The following ABCC8 variants were observed in gnomAD, a reference collection of about 807,000 sequenced individuals.
ABCC8 encodes ATP binding cassette subfamily C member 8.
Under a neutral mutation model 188.0 loss-of-function variants are expected in ABCC8, and 137 were observed. The ratio of observed to expected loss-of-function variants is 0.73; its 90% CI spans 0.63 to 0.84. The LOEUF (loss-of-function observed/expected upper bound fraction) is 0.84, where lower values mean the gene tolerates loss of function less well. Among genes scored for constraint, ABCC8 ranks in the 40% least tolerant of loss-of-function variants. ABCC8 has a pLI of 0.00. For synonymous variants in ABCC8, 797 were observed against 846.5 expected, an observed-to-expected ratio of 0.94 and a Z score of 1.01; for missense variants, 1,750 against 2,072.7, an observed-to-expected ratio of 0.84 and a Z score of 3.02.
intron 17 of ABCC8, among the ~76,000 whole-genome samples, chr11:17,416,152 G>C (rs1043457148): frequency 3.3e-5 from 5 of 152,178 alleles, no homozygotes; most frequent in Admixed American, 1.3e-4. Flanking sequence ...TGGTGTTGGA[G>C]AGCAAAGGCC....
Position 17,468,013 on chromosome 11 carries a change from C to CTGA in ABCC8, c.412+2087_412+2088insTCA, listed in dbSNP as rs1554945556. Among the ~76,000 whole-genome samples, 1,021 of 151,872 alleles carry CTGA rather than the reference C, an allele frequency of 6.7e-3. 11 individuals carry two copies. Among genetic ancestry groups the CTGA allele is most frequent in the African/African-American group, 0.022 (915 of 41,358 alleles). ...CCAGAGGACACTGGTCAGCCAGGCC[C>CTGA]TGGTTAATGAAGGGTTCTCTACAGA... On this transcript the variant is annotated intron_variant, in intron 3 of 38. Transcript: ENST00000389817.
intron 16 of ABCC8, among the ~76,000 whole-genome samples, chr11:17,420,654 C>T (rs1365147044): frequency 6.6e-6 from 1 of 152,204 alleles, no homozygotes; most frequent in Non-Finnish European, 1.5e-5. Flanking sequence ...AGCATTGCAG[C>T]AGGGAGCTCC....
At chr11:17,430,658 A>G (rs975604831) in intron 12 of ABCC8, 156 bp downstream of exon 12, 7 of 893,254 alleles carry the variant, frequency 7.8e-6, no homozygotes, top group Non-Finnish European at 1.1e-5. Flanking sequence ...ATACAGGCCA[A>G]TGTCCCTCTG....
Position 17,474,949 on chromosome 11 carries a change from A to T in ABCC8, c.227T>A (p.Ile76Asn). 1.2e-6 allele frequency: 2 copies of T among 1,614,184 alleles called. No individual in the cohort carries two copies. Among genetic ancestry groups the T allele is most frequent in the Non-Finnish European group, 1.7e-6 (2 of 1,180,042 alleles). Residue 76 changes from isoleucine (I) to asparagine (N), a missense_variant, in exon 2 of 39, where the codon ATC becomes AAC. Transcript: ENST00000389817. ...GACGAAGAGCAGCATGAAGGTCAGG[A>T]TCCACCGCAGGTTGTGCCCAGGGAA... is the stretch of plus-strand genomic sequence containing the variant. ...LHFPGHNLRW[I>N]LTFMLLFVLV...
chr11:17,412,649 A>C lies in ABCC8; in HGVS notation c.2556+17T>G, dbSNP rs374812726. ...GAGGCAGCCAGAGACCAGGACCCCA[A>C]GGGAACTTGCACTCACCAAGAAGAC... On this transcript the variant is annotated intron_variant, in intron 21 of 38. Coordinates refer to ENST00000389817, the MANE Select transcript of ABCC8 (RefSeq NM_000352.6). 1 of 1,607,750 alleles carries C rather than the reference A, an allele frequency of 6.2e-7. No homozygotes were observed. The highest frequency in any genetic ancestry group is 2.2e-5 in the East Asian group (1 of 44,546).
At chr11:17,412,159 T>C (rs905430118) in intron 21 of ABCC8, among the ~76,000 whole-genome samples, 1 of 152,212 alleles carries the variant, frequency 6.6e-6, no homozygotes, top group Non-Finnish European at 1.5e-5. Context: ...CCCAAAGTGC[T>C]GGAATAACAG....
At chr11:17,408,871 G>T (rs1405340345) in intron 22 of ABCC8, among the ~76,000 whole-genome samples, 1 of 152,032 alleles carries the variant, frequency 6.6e-6, no homozygotes, top group Non-Finnish European at 1.5e-5. Context: ...TTGACGGCGG[G>T]TCTGGCAGCC....
At chr11:17,431,214 C>A (rs1955832612) in intron 11 of ABCC8, among the ~76,000 whole-genome samples, 1 of 152,244 alleles carries the variant, frequency 6.6e-6, no homozygotes, top group South Asian at 2.1e-4. Context: ...CCTGCCCAGT[C>A]TTGGCTGGGA....
In ABCC8 at chr11:17,448,565, A is replaced by G. The variant is rs1210306507; in HGVS notation, c.1283T>C (p.Leu428Pro). The G allele has an allele frequency of 6.2e-7, 1 of 1,614,088 alleles. No homozygotes were observed. Among genetic ancestry groups the G allele is most frequent in the Non-Finnish European group, 8.5e-7 (1 of 1,180,030 alleles). ...CNLVAIDTNQ[L>P]MWFFFLCPNL... ...TGGGCACAAGAAGAAAAACCACATG[A>G]GCTGATTGGTGTCGATGGCAACCAG... The change falls in exon 8 of 39, where the codon CTC becomes CCC. Residue 428 changes from leucine (L) to proline (P), a missense_variant. Physicochemically the swap from Leu to Pro is moderately conservative, Grantham distance 98 (BLOSUM62 -3). Transcript: ENST00000389817.
chr11:17,438,382 G>GCTCA (rs3831596), intron 10 of ABCC8, among the ~76,000 whole-genome samples: 1 of 151,438 alleles, frequency 6.6e-6, no homozygotes, highest in Admixed American at 6.6e-5. Flanking sequence ...CTGACCACAT[G>GCTCA]GTCACTATTC....
chr11:17,395,548 C>T (rs1055479269), intron 35 of ABCC8, 62 bp downstream of exon 35: 89 of 1,533,496 alleles, frequency 5.8e-5, no homozygotes, highest in Non-Finnish European at 7.1e-5. Flanking sequence ...TCTTTGTGCT[C>T]CAGATCTGAT....
intron 21 of ABCC8, among the ~76,000 whole-genome samples, chr11:17,411,656 C>T (rs559484546): frequency 3.9e-4 from 60 of 152,260 alleles, no homozygotes; most frequent in African/African-American, 1.4e-3. Flanking sequence ...AGGAAGCCCT[C>T]CCTGATTACT....
chr11:17,414,881 C>T (rs938520738), intron 18 of ABCC8, among the ~76,000 whole-genome samples: 15 of 152,108 alleles, frequency 9.9e-5, no homozygotes, highest in Non-Finnish European at 1.9e-4. Flanking sequence ...GTTCCTTAGT[C>T]AGGGAGGAGC....
chr11:17,423,738 G>A (rs1955457777), intron 16 of ABCC8, among the ~76,000 whole-genome samples: 1 of 152,238 alleles, frequency 6.6e-6, no homozygotes, highest in South Asian at 2.1e-4. Flanking sequence ...CCACGTGGCA[G>A]TTCTGGGAGG....
At chr11:17,436,073 C>A in intron 10 of ABCC8, 1 of 927,412 alleles carries the variant, frequency 1.1e-6, no homozygotes, top group South Asian at 1.3e-5. Flanking sequence ...TGCTCCATCT[C>A]TTCTTTGGCT....
At chr11:17,417,944 A>G (rs1250801000) in intron 16 of ABCC8, among the ~76,000 whole-genome samples, 1 of 151,378 alleles carries the variant, frequency 6.6e-6, no homozygotes, top group Admixed American at 6.6e-5. Context: ...TAGAGACAGG[A>G]GTCTCATTCC....
intron 8 of ABCC8, among the ~76,000 whole-genome samples, chr11:17,443,903 T>C (rs1401392026): frequency 6.6e-6 from 1 of 152,200 alleles, no homozygotes; most frequent in Non-Finnish European, 1.5e-5. Context: ...ATGAGAAGTG[T>C]AAATGGCCAG....
chr11:17,440,581 C>A (rs79254251), intron 10 of ABCC8, among the ~76,000 whole-genome samples: 2,693 of 152,256 alleles, frequency 0.018, 94 homozygotes, highest in African/African-American at 0.063. Context: ...GGTGAAGAAT[C>A]CAGGAAACAG....
intron 11 of ABCC8, among the ~76,000 whole-genome samples, chr11:17,431,695 A>C (rs1320419075): frequency 6.6e-6 from 1 of 152,258 alleles, no homozygotes; most frequent in Non-Finnish European, 1.5e-5. Flanking sequence ...CATAATATTC[A>C]GTGGCATGGA....
Sources: gnomAD v4.1 joint callset for allele counts (sites outside exome capture counted in the v4.1 genomes callset) on GRCh38, gnomAD v4.1.1 for gene constraint, MANE v1.5 for transcripts, NCBI Gene and HGNC (gene_info 2026-07-23, HGNC 2026-07-21) for gene names.